Variants in TDRD3 observed in about 807,000 individuals in gnomAD.
TDRD3 encodes the protein tudor domain-containing protein 3.
A neutral mutation model predicts 86.7 loss-of-function variants in TDRD3; 45 were observed. The ratio of observed to expected loss-of-function variants is 0.52; its 90% CI spans 0.41 to 0.67. TDRD3 has a LOEUF of 0.67. Among genes scored for constraint, TDRD3 ranks in the 30% least tolerant of loss-of-function variants. TDRD3 has a pLI of 0.00. For synonymous variants in TDRD3, 298 were observed against 301.7 expected (o/e 0.99, Z 0.13); for missense variants, 814 against 889.0 (o/e 0.92, Z 1.07).
intron 12 of TDRD3, among the ~76,000 whole-genome samples, chr13:60,547,918 A>G (rs1342496023): frequency 2.0e-5 from 3 of 152,310 alleles, no homozygotes; most frequent in Middle Eastern, 3.4e-3. Context: ...TCTCTAATGC[A>G]TGAAAATTCA....
intron 8 of TDRD3, among the ~76,000 whole-genome samples, chr13:60,503,129 A>T (rs1045716524): frequency 1.3e-5 from 2 of 152,226 alleles, no homozygotes; most frequent in African/African-American, 4.8e-5. Context: ...AGGTTCCTTT[A>T]GCTTTCTGAG....
chr13:60,547,398 G>A, intron 12 of TDRD3: 2 of 985,326 alleles, frequency 2.0e-6, no homozygotes, highest in Non-Finnish European at 2.4e-6. Flanking sequence ...TTTTGCCCCT[G>A]CTTCAGCTCC....
At chr13:60,476,784 A>G (rs1447264406) in intron 5 of TDRD3, among the ~76,000 whole-genome samples, 1 of 152,060 alleles carries the variant, frequency 6.6e-6, no homozygotes, top group African/African-American at 2.4e-5. Context: ...CTCTTTGTTA[A>G]GCTGTATTCC....
chr13:60,572,134 G>A (rs934550577), intron 13 of TDRD3, among the ~76,000 whole-genome samples: 2 of 152,168 alleles, frequency 1.3e-5, no homozygotes, highest in African/African-American at 4.8e-5. Context: ...GCAGCCCTTA[G>A]ACATGAAGTT....
At chr13:60,416,938 T>G (rs1168283288) in intron 1 of TDRD3, among the ~76,000 whole-genome samples, 2 of 152,280 alleles carry the variant, frequency 1.3e-5, no homozygotes, top group East Asian at 3.9e-4. Context: ...CTTTTCTTAG[T>G]TTCCTTATTG....
At chr13:60,445,230 A>AT (rs1233517956) in intron 3 of TDRD3, among the ~76,000 whole-genome samples, 8 of 152,110 alleles carry the variant, frequency 5.3e-5, no homozygotes, top group South Asian at 2.1e-4. Context: ...CGTGTTATGA[A>AT]TTTTTTTGCG....
At chr13:60,501,235 A>C (rs543793385) in intron 8 of TDRD3, among the ~76,000 whole-genome samples, 38 of 151,964 alleles carry the variant, frequency 2.5e-4, no homozygotes, top group Non-Finnish European at 4.3e-4. Context: ...TTGGACGATG[A>C]CTCTTTTGGC....
chr13:60,525,763 A>C (rs1398777332), intron 10 of TDRD3, among the ~76,000 whole-genome samples: 2 of 152,192 alleles, frequency 1.3e-5, no homozygotes, highest in East Asian at 3.8e-4. Flanking sequence ...CTTTTGATGT[A>C]AGAAGGCTGG....
chr13:60,463,905 G>C (rs952868495), intron 4 of TDRD3, among the ~76,000 whole-genome samples: 1 of 152,162 alleles, frequency 6.6e-6, no homozygotes, highest in African/African-American at 2.4e-5. Context: ...AGTGTTGGAG[G>C]TGGGGCCTAG....
intron 11 of TDRD3, among the ~76,000 whole-genome samples, chr13:60,531,153 C>G (rs1957574462): frequency 6.6e-6 from 1 of 152,112 alleles, no homozygotes; most frequent in South Asian, 2.1e-4. Context: ...TTCTTTTTCT[C>G]TGGAAAAGCA....
At chr13:60,514,206 C>T (rs1032199904) in intron 10 of TDRD3, among the ~76,000 whole-genome samples, 1 of 152,124 alleles carries the variant, frequency 6.6e-6, no homozygotes, top group African/African-American at 2.4e-5. Flanking sequence ...TTGCCTCTGC[C>T]CTAGTGATTT....
intron 7 of TDRD3, among the ~76,000 whole-genome samples, chr13:60,486,824 A>G (rs529588615): frequency 1.3e-5 from 2 of 152,182 alleles, no homozygotes; most frequent in African/African-American, 4.8e-5. Flanking sequence ...CAACTTTTTT[A>G]TCTCTCACAT....
chr13:60,448,849 C>T (rs779065860), intron 3 of TDRD3, among the ~76,000 whole-genome samples: 15 of 151,996 alleles, frequency 9.9e-5, no homozygotes, highest in African/African-American at 2.4e-4. Flanking sequence ...TAAACCTAGG[C>T]GTAAAAGTTA....
chr13:60,567,886 G>T (rs934030647), intron 13 of TDRD3, among the ~76,000 whole-genome samples: 5 of 137,494 alleles, frequency 3.6e-5, no homozygotes, highest in Non-Finnish European at 8.0e-5. Flanking sequence ...ACCATGCCCA[G>T]CTGATTTTTT....
chr13:60,470,617 AGT>A (rs1156588315), intron 5 of TDRD3, among the ~76,000 whole-genome samples: 2 of 126,396 alleles, frequency 1.6e-5, no homozygotes, highest in East Asian at 4.6e-4. Context: ...TTTGATATGG[AGT>A]GTTGCCCAGG....
chr13:60,547,283 G>T (rs1957959429), intron 12 of TDRD3: 2 of 985,256 alleles, frequency 2.0e-6, no homozygotes, highest in African/African-American at 3.5e-5. Flanking sequence ...TATCCTGAAA[G>T]GATTTGGTGA....
intron 10 of TDRD3, among the ~76,000 whole-genome samples, chr13:60,524,831 G>T (rs1208681191): frequency 1.3e-5 from 2 of 151,698 alleles, no homozygotes; most frequent in Non-Finnish European, 2.9e-5. Context: ...AGGCGCAGTG[G>T]CTCACACCTG....
chr13:60,470,507 C>A (rs970300223), intron 5 of TDRD3, among the ~76,000 whole-genome samples: 3 of 151,766 alleles, frequency 2.0e-5, no homozygotes, highest in African/African-American at 4.8e-5. Context: ...CAGTTTTTTA[C>A]ATCCTCACCA....
intron 7 of TDRD3, among the ~76,000 whole-genome samples, chr13:60,487,607 C>G (rs1956474090): frequency 6.6e-6 from 1 of 152,142 alleles, no homozygotes; most frequent in African/African-American, 2.4e-5. Context: ...TGGTGGGAGT[C>G]CTAGAACCAA....
Sources: gnomAD v4.1 joint callset for allele counts (sites outside exome capture counted in the v4.1 genomes callset) on GRCh38, gnomAD v4.1.1 for gene constraint, MANE v1.5 for transcripts, NCBI Gene and HGNC (gene_info 2026-07-23, HGNC 2026-07-21) for gene names.